The following PLA2R1 variants were observed in gnomAD, a reference collection of about 807,000 sequenced individuals.
The protein encoded by PLA2R1 is secretory phospholipase A2 receptor.
PLA2R1 carries 158 observed loss-of-function variants against 195.9 expected under a neutral mutation model. The ratio of observed to expected loss-of-function variants is 0.81; its 90% CI spans 0.71 to 0.92. The LOEUF is 0.92. Ranked by LOEUF, PLA2R1 falls within the 40% of genes least tolerant of loss-of-function variation. The probability of loss-of-function intolerance (pLI) is 0.00; values close to 1 mark genes in which losing one functional copy is unlikely to be tolerated. For synonymous variants in PLA2R1, 586 were observed against 598.2 expected, an observed-to-expected ratio of 0.98 and a Z score of 0.30; for missense variants, 1,626 against 1,764.6, an observed-to-expected ratio of 0.92 and a Z score of 1.41.
Position 159,949,692 on chromosome 2 carries a change from A to C in PLA2R1, c.3625T>G (p.Cys1209Gly). The C allele has an allele frequency of 6.2e-7, 1 of 1,613,970 alleles. No homozygotes were observed. The highest frequency in any genetic ancestry group is 1.1e-5 in the South Asian group (1 of 91,082). The part of the protein sequence containing the change: ...KDEESSLLGD[C>G]VFADSNGRWH... ...CGTCCGTTGCTGTCGGCAAAAACGC[A>C]GTCACCAAGGAGGGAGGACTCCTCA... is the stretch of plus-strand genomic sequence containing the variant. The change falls in exon 25 of 30, where the codon TGC (cysteine) becomes GGC (glycine). Residue 1209 changes from cysteine (C) to glycine (G), a missense_variant. By Grantham distance (159) the Cys-to-Gly change is radical (BLOSUM62 -3). Coordinates refer to ENST00000283243, the MANE Select transcript of PLA2R1 (RefSeq NM_007366.5).
rs969984698 is a variant in PLA2R1, at chr2:159,949,642, T to C, written c.3675A>G (p.Ser1225=). Residue 1225 remains serine (S), a synonymous_variant, in exon 25 of 30, where the codon TCA becomes TCG. Coordinates refer to ENST00000283243, the MANE Select transcript of PLA2R1 (RefSeq NM_007366.5). The part of the protein sequence containing the change: ...NGRWHSTACE[S]FLQGAICHVP... ...CATGACAAATGGCACCTTGCAGAAA[T>C]GACTCGCAGGCTGTGCTATGCCAGC... is the stretch of plus-strand genomic sequence containing the variant. 5 of 1,614,068 alleles carry C rather than the reference T, an allele frequency of 3.1e-6. No homozygotes were observed. Among genetic ancestry groups the C allele is most frequent in the Non-Finnish European group, 4.2e-6 (5 of 1,179,926 alleles).
chr2:159,937,260 T>C lies in PLA2R1; in HGVS notation c.*4518A>G, dbSNP rs887491295. ...CTCTTTCACTTACAGGCATCTTGCTTTACCTGATATACAAATGAAGGCTGG... is the reference window on the plus strand; with the variant it reads ...CTCTTTCACTTACAGGCATCTTGCTCTACCTGATATACAAATGAAGGCTGG... On this transcript the variant is annotated 3_prime_UTR_variant, in exon 30 of 30. Coordinates refer to ENST00000283243, the MANE Select transcript of PLA2R1 (RefSeq NM_007366.5). 1.3e-5 allele frequency: 2 copies of C among 152,218 alleles called. No individual in the cohort carries two copies. Among genetic ancestry groups the C allele is most frequent in the African/African-American group, 2.4e-5 (1 of 41,460 alleles). 9.4% of individuals were successfully genotyped at this position (152,218 alleles called of 1,614,324 possible).
intron 11 of PLA2R1, among the ~76,000 whole-genome samples, chr2:160,001,833 T>A (rs1200666426): frequency 1.3e-5 from 2 of 151,770 alleles, no homozygotes; most frequent in Non-Finnish European, 2.9e-5. Flanking sequence ...TCGACAGAAC[T>A]ACAGGGAGAA....
intron 26 of PLA2R1, 33 bp from the exon 27 acceptor site, chr2:159,946,950 G>A: frequency 7.8e-7 from 1 of 1,288,700 alleles, no homozygotes; most frequent in East Asian, 2.4e-5. Flanking sequence ...AGGAATATTT[G>A]TGTTTACACA....
chr2:159,977,038 C>T (rs530585445), intron 15 of PLA2R1, among the ~76,000 whole-genome samples: 3 of 152,300 alleles, frequency 2.0e-5, no homozygotes, highest in Admixed American at 6.5e-5. Context: ...CATTTTTCCC[C>T]GACTATACTT....
At chr2:159,953,180 A>G (rs143733103) in intron 23 of PLA2R1, among the ~76,000 whole-genome samples, 216 of 152,326 alleles carry the variant, frequency 1.4e-3, no homozygotes, top group African/African-American at 4.9e-3. Context: ...AATTGATTCC[A>G]TTAAGTTTCA....
At position 159,967,600 on chromosome 2, in the gene PLA2R1, T is replaced by G; in HGVS notation, c.2843A>C (p.Lys948Thr). 6.2e-7 allele frequency: 1 copy of G among 1,613,624 alleles called. No homozygotes were observed. The highest frequency in any genetic ancestry group is 8.5e-7 in the Non-Finnish European group (1 of 1,179,602). The change falls in exon 20 of 30, where the codon AAG becomes ACG. Residue 948 changes from lysine (K) to threonine (T), a missense_variant. Coordinates refer to ENST00000283243, the MANE Select transcript of PLA2R1 (RefSeq NM_007366.5). ...TCCATGTTGTTTTGGTGTATCTTTCTTTTTCTCTATGAGCCAAACCTTTTT... is the reference window on the plus strand; with the variant it reads ...TCCATGTTGTTTTGGTGTATCTTTCGTTTTCTCTATGAGCCAAACCTTTTT... ...KRKKVWLIEK[K>T]KDTPKQHGTC... is the part of the protein sequence containing the mutation.
intron 23 of PLA2R1, among the ~76,000 whole-genome samples, chr2:159,953,411 A>G (rs1377324954): frequency 6.6e-6 from 1 of 152,252 alleles, no homozygotes; most frequent in African/African-American, 2.4e-5. Flanking sequence ...TTGAATATTT[A>G]TTGTTGGCTA....
At chr2:160,000,677 A>G (rs1691529246) in intron 11 of PLA2R1, among the ~76,000 whole-genome samples, 1 of 152,186 alleles carries the variant, frequency 6.6e-6, no homozygotes, top group East Asian at 1.9e-4. Context: ...AGAATCTTTA[A>G]AATATGAGTA....
chr2:159,963,360 C>G (rs1329277289), intron 20 of PLA2R1, among the ~76,000 whole-genome samples: 1 of 152,030 alleles, frequency 6.6e-6, no homozygotes, highest in African/African-American at 2.4e-5. Context: ...ATACCAAAAG[C>G]ACAAGTGACG....
intron 3 of PLA2R1, among the ~76,000 whole-genome samples, chr2:160,041,546 G>C (rs766101912): frequency 6.6e-6 from 1 of 152,108 alleles, no homozygotes; most frequent in Non-Finnish European, 1.5e-5. Flanking sequence ...AAATAATGAG[G>C]GCAATTGCGA....
At chr2:160,005,170 T>C (rs1455979371) in intron 11 of PLA2R1, among the ~76,000 whole-genome samples, 2 of 152,164 alleles carry the variant, frequency 1.3e-5, no homozygotes, top group Non-Finnish European at 2.9e-5. Flanking sequence ...AAAATGACCA[T>C]TGGGCCAGGC....
intron 28 of PLA2R1, 29 bp from the exon 29 acceptor site, chr2:159,942,188 G>A: frequency 1.3e-6 from 2 of 1,587,146 alleles, no homozygotes; most frequent in South Asian, 1.1e-5. Flanking sequence ...ATTAAAATGA[G>A]GTTTTTCTTT....
At chr2:160,012,234 G>A (rs1172738761) in intron 10 of PLA2R1, among the ~76,000 whole-genome samples, 2 of 152,186 alleles carry the variant, frequency 1.3e-5, no homozygotes, top group Non-Finnish European at 2.9e-5. Context: ...CAAGTGACTT[G>A]CTTTGCAGGT....
intron 11 of PLA2R1, among the ~76,000 whole-genome samples, chr2:159,992,722 A>G (rs1047546638): frequency 6.6e-6 from 1 of 152,060 alleles, no homozygotes. Context: ...TCCTAAGCCA[A>G]AAGAACAAAG....
intron 11 of PLA2R1, among the ~76,000 whole-genome samples, chr2:159,989,087 T>G (rs1690567152): frequency 6.6e-6 from 1 of 152,024 alleles, no homozygotes; most frequent in South Asian, 2.1e-4. Context: ...ACGCTATCCC[T>G]CACATAGAAG....
chr2:160,049,589 G>T (rs982390383), intron 1 of PLA2R1, among the ~76,000 whole-genome samples: 5 of 152,228 alleles, frequency 3.3e-5, no homozygotes, highest in African/African-American at 1.2e-4. Context: ...CCTTAATGGT[G>T]GGGCGTGGTG....
intron 6 of PLA2R1, among the ~76,000 whole-genome samples, chr2:160,024,395 C>A (rs1693363721): frequency 6.6e-6 from 1 of 152,176 alleles, no homozygotes; most frequent in African/African-American, 2.4e-5. Flanking sequence ...AGAGCCTGAG[C>A]TGGCTTATCA....
Position 160,005,654 on chromosome 2 carries a change from G to A in PLA2R1, c.1832C>T (p.Pro611Leu), listed in dbSNP as rs777155224. ...VQYTHWNTHQPRYSGGCVAMR... is the reference protein window; with the variant it reads ...VQYTHWNTHQLRYSGGCVAMR... The stretch of plus-strand genomic sequence containing the variant: ...GTGATGCAGCACACTCTACTCACGC[G>A]GCTGGTGTGTGTTCCAGTGTGTGTA... The change falls in exon 11 of 30, where the codon CCG (proline) becomes CTG (leucine). Residue 611 changes from proline to leucine, a missense_variant and splice_region_variant. Coordinates refer to ENST00000283243, the MANE Select transcript of PLA2R1 (RefSeq NM_007366.5). 2.5e-6 allele frequency: 4 copies of A among 1,612,938 alleles called. No homozygotes were observed. The highest frequency in any genetic ancestry group is 2.7e-5 in the African/African-American group (2 of 74,878).
Sources: gnomAD v4.1 joint callset for allele counts (sites outside exome capture counted in the v4.1 genomes callset) on GRCh38, gnomAD v4.1.1 for gene constraint, MANE v1.5 for transcripts, NCBI Gene and HGNC (gene_info 2026-07-23, HGNC 2026-07-21) for gene names.